FBXO36: variants seen among roughly 807,000 people sequenced by gnomAD.
FBXO36 encodes F-box only protein 36.
Under a neutral mutation model 17.0 loss-of-function variants are expected in FBXO36, and 18 were observed. The observed-to-expected ratio is 1.06, with a 90% CI of 0.73 to 1.57. The LOEUF is 1.57. Ranked by LOEUF, FBXO36 falls within the 40% of genes most tolerant of loss-of-function variation. The pLI, the probability that FBXO36 is intolerant of heterozygous loss-of-function variation, is 0.00. For missense variants in FBXO36, 229 were observed against 221.9 expected, an observed-to-expected ratio of 1.03 and a Z score of -0.20; for synonymous variants, 83 against 85.3, an observed-to-expected ratio of 0.97 and a Z score of 0.15.
At position 229,988,557 on chromosome 2, in the gene FBXO36, C is replaced by T. The variant is rs569537129; in HGVS notation, c.206-8194C>T. On this transcript the variant is annotated intron_variant, in intron 2 of 3. Transcript: ENST00000283946. ...TTGTTTGTTTTTTTGTTTTTGAGAC[C>T]GAGTTTCACTCTAGTTTCCCAGGCT... is the stretch of plus-strand genomic sequence containing the variant. Among the ~76,000 whole-genome samples, 4 of 151,706 alleles carry T rather than the reference C, an allele frequency of 2.6e-5. No homozygotes were observed. The East Asian group carries it at 7.8e-4, about 29-fold the overall frequency.
chr2:230,003,282 T>C (rs1046024515), intron 3 of FBXO36, among the ~76,000 whole-genome samples: 3 of 151,644 alleles, frequency 2.0e-5, no homozygotes, highest in African/African-American at 4.8e-5. Context: ...ACTTTAAAAA[T>C]TGTTCTTATT....
At chr2:229,989,455 C>T (rs1263973530) in intron 2 of FBXO36, among the ~76,000 whole-genome samples, 1 of 151,990 alleles carries the variant, frequency 6.6e-6, no homozygotes, top group East Asian at 1.9e-4. Context: ...CAGGGTTTCT[C>T]CATGTTGGTC....
At chr2:230,001,187 G>A (rs1156283672) in intron 3 of FBXO36, among the ~76,000 whole-genome samples, 3 of 151,894 alleles carry the variant, frequency 2.0e-5, no homozygotes, top group African/African-American at 7.3e-5. Context: ...TTGCACACAG[G>A]GAAAGAAGGA....
chr2:229,936,820 G>A (rs915845146), intron 1 of FBXO36, among the ~76,000 whole-genome samples: 30 of 152,152 alleles, frequency 2.0e-4, no homozygotes, highest in African/African-American at 7.0e-4. Flanking sequence ...ACAGCGAGTC[G>A]TGATTGTGCC....
chr2:229,951,243 T>C (rs1368368330), intron 1 of FBXO36, among the ~76,000 whole-genome samples: 12 of 151,138 alleles, frequency 7.9e-5, no homozygotes, highest in Non-Finnish European at 1.6e-4. Context: ...CAGGCAACTT[T>C]TTTTTCTTCT....
In FBXO36 at chr2:229,997,832, G is replaced by A. The variant is rs561731276; in HGVS notation, c.378+909G>A. Among the ~76,000 whole-genome samples, 110 of 152,314 alleles carry A rather than the reference G, an allele frequency of 7.2e-4. 3 individuals carry two copies. In the South Asian group the frequency reaches 0.022, roughly 30 times the overall value. Reference sequence around the variant, plus strand: ...TAGTGCTGATTTCAGCCATTGTCAAGGCTTCAGTGTGACCTTTGTCAGTTG... The same window carrying A: ...TAGTGCTGATTTCAGCCATTGTCAAAGCTTCAGTGTGACCTTTGTCAGTTG... On this transcript the variant is annotated intron_variant, in intron 3 of 3. Transcript: ENST00000283946.
At chr2:230,006,105 G>GTTTTTTTTTTT (rs577192144) in intron 3 of FBXO36, among the ~76,000 whole-genome samples, 4 of 124,666 alleles carry the variant, frequency 3.2e-5, no homozygotes, top group African/African-American at 1.2e-4. Context: ...TTTTATTTTA[G>GTTTTTTTTTTT]TTTTTTTTTT....
At chr2:229,951,188 C>T (rs1411065825) in intron 1 of FBXO36, among the ~76,000 whole-genome samples, 1 of 152,138 alleles carries the variant, frequency 6.6e-6, no homozygotes. Context: ...CCACCTCAGC[C>T]TCCCAAAGTG....
chr2:229,961,164 A>G lies in FBXO36; in HGVS notation c.97-15077A>G, dbSNP rs189271823. Among the ~76,000 whole-genome samples, 20 of 152,224 alleles carry G rather than the reference A, an allele frequency of 1.3e-4. No homozygotes were observed. The East Asian group carries it at 3.3e-3, about 25-fold the overall frequency. On this transcript the variant is annotated intron_variant, in intron 1 of 3. Coordinates refer to ENST00000283946, the MANE Select transcript of FBXO36 (RefSeq NM_174899.5). ...ATGGATGGCTTATCATGTTAATACT[A>G]TTTATTAAGTAAATCATCCTTTCTT... is the stretch of plus-strand genomic sequence containing the variant.
chr2:229,975,469 A>ATT (rs67276148), intron 1 of FBXO36, among the ~76,000 whole-genome samples: 8 of 140,580 alleles, frequency 5.7e-5, no homozygotes, highest in Admixed American at 2.2e-4. Context: ...GACCTGATGG[A>ATT]TTTTTTTTTT....
At chr2:229,980,976 C>G (rs867379377) in intron 2 of FBXO36, among the ~76,000 whole-genome samples, 24 of 152,124 alleles carry the variant, frequency 1.6e-4, no homozygotes, top group African/African-American at 5.3e-4. Flanking sequence ...CTGTACACCC[C>G]CTTCTTAGAG....
chr2:229,951,533 C>T (rs926760251), intron 1 of FBXO36, among the ~76,000 whole-genome samples: 4 of 152,192 alleles, frequency 2.6e-5, no homozygotes, highest in South Asian at 2.1e-4. Flanking sequence ...CGTGAGCCGC[C>T]GCGCCCAGCC....
intron 3 of FBXO36, among the ~76,000 whole-genome samples, chr2:230,003,648 T>A (rs575039554): frequency 6.6e-6 from 1 of 152,222 alleles, no homozygotes; most frequent in East Asian, 1.9e-4. Flanking sequence ...TTCTCCTGCC[T>A]CAGCCTCCCA....
intron 1 of FBXO36, chr2:229,973,489 G>A (rs1385549836): frequency 3.3e-5 from 5 of 151,978 alleles, no homozygotes; most frequent in East Asian, 1.9e-4. Context: ...TTGGGAGGCC[G>A]AAGCAGGCGG....
At chr2:229,923,441 A>AC (rs2076848838) in intron 1 of FBXO36, among the ~76,000 whole-genome samples, 1 of 152,154 alleles carries the variant, frequency 6.6e-6, no homozygotes, top group South Asian at 2.1e-4. Context: ...TTATTCATGC[A>AC]CCCTGCCCTT....
intron 2 of FBXO36, among the ~76,000 whole-genome samples, chr2:229,983,886 AT>A (rs1321028464): frequency 6.6e-6 from 1 of 152,146 alleles, no homozygotes; most frequent in Non-Finnish European, 1.5e-5. Flanking sequence ...AGTGCTTAGA[AT>A]TTGCCTGGCA....
At chr2:229,966,498 G>T (rs748157468) in intron 1 of FBXO36, among the ~76,000 whole-genome samples, 5 of 152,170 alleles carry the variant, frequency 3.3e-5, no homozygotes, top group Non-Finnish European at 5.9e-5. Flanking sequence ...TTCTTCTAGG[G>T]TTTTTATGGT....
intron 1 of FBXO36, among the ~76,000 whole-genome samples, chr2:229,960,846 T>TA (rs2077116924): frequency 6.6e-6 from 1 of 152,144 alleles, no homozygotes; most frequent in Non-Finnish European, 1.5e-5. Context: ...CAGTGGCTCA[T>TA]GCCTGTAATC....
chr2:230,010,705 T>C lies in FBXO36; in HGVS notation c.388T>C (p.Ser130Pro). 6.2e-7 allele frequency: 1 copy of C among 1,609,394 alleles called. No individual in the cohort carries two copies. Among genetic ancestry groups the C allele is most frequent in the Non-Finnish European group, 8.5e-7 (1 of 1,176,454 alleles). The change falls in exon 4 of 4, where the codon TCT (serine) becomes CCT (proline). Residue 130 changes from serine (S) to proline (P), a missense_variant. Transcript: ENST00000283946. ...TSHRFAKLCM[S>P]DKLWEQIVQS... ...CTTTTCCCACCCACAGCTGTGCATG[T>C]CTGATAAACTGTGGGAACAGATAGT...
Sources: allele counts gnomAD v4.1 joint callset (sites outside exome capture counted in the v4.1 genomes callset), GRCh38; gene constraint gnomAD v4.1.1; transcripts MANE v1.5; gene names NCBI Gene and HGNC (gene_info 2026-07-23, HGNC 2026-07-21).